Variants in NR1I2 observed in about 807,000 individuals in gnomAD.
NR1I2 encodes nuclear receptor subfamily 1 group I member 2, also known as orphan nuclear receptor PAR1.
NR1I2 carries 42 observed loss-of-function variants against 43.3 expected under a neutral mutation model. That is an observed-to-expected ratio of 0.97 (90% confidence interval 0.76 to 1.26). The LOEUF (loss-of-function observed/expected upper bound fraction) is 1.26, where lower values mean the gene tolerates loss of function less well. Among genes scored for constraint, NR1I2 ranks in the 50% most tolerant of loss-of-function variants. The pLI, the probability that NR1I2 is intolerant of heterozygous loss-of-function variation, is 0.00. For missense variants in NR1I2, 559 were observed against 566.7 expected, an observed-to-expected ratio of 0.99 and a Z score of 0.14; for synonymous variants, 229 against 215.0, an observed-to-expected ratio of 1.06 and a Z score of -0.57.
chr3:119,783,888 T>C (rs1442146254), intron 1 of NR1I2, among the ~76,000 whole-genome samples: 1 of 152,212 alleles, frequency 6.6e-6, no homozygotes, highest in African/African-American at 2.4e-5. Context: ...TTGGAGACTT[T>C]CCATATCTGT....
chr3:119,816,918 TA>T, intron 8 of NR1I2, 149 bp from the exon 9 acceptor site: 1 of 961,340 alleles, frequency 1.0e-6, no homozygotes, highest in Non-Finnish European at 1.6e-6. Context: ...ATCTACAGGG[TA>T]AAAGAGAAGC....
intron 1 of NR1I2, chr3:119,792,494 T>C (rs2054934479): frequency 9.3e-7 from 1 of 1,074,822 alleles, no homozygotes; most frequent in Non-Finnish European, 1.4e-6. Flanking sequence ...GCTCTCTCGC[T>C]CTTGGAACAT....
At chr3:119,809,461 C>A (rs1412810537) in intron 2 of NR1I2, among the ~76,000 whole-genome samples, 1 of 151,524 alleles carries the variant, frequency 6.6e-6, no homozygotes, top group African/African-American at 2.4e-5. Context: ...GTCGCTGCCC[C>A]GTAGGGTATA....
rs764720561 is a variant in NR1I2, at chr3:119,811,709, C to T, written c.502C>T (p.His168Tyr). 1.3e-5 allele frequency: 21 copies of T among 1,611,038 alleles called. No individual in the cohort carries two copies. Among genetic ancestry groups the T allele is most frequent in the Non-Finnish European group, 5.1e-6 (6 of 1,178,500 alleles). The change falls in exon 4 of 9, where the codon CAT (histidine) becomes TAT (tyrosine). Residue 168 changes from histidine (H) to tyrosine (Y), a missense_variant. Transcript: ENST00000393716. ...GAAAACCTTTGACACTACCTTCTCC[C>T]ATTTCAAGAATTTCCGGGTAGGAGG...
chr3:119,811,086 A>G (rs1295705033), intron 3 of NR1I2: 2 of 160,224 alleles, frequency 1.2e-5, no homozygotes, highest in African/African-American at 2.4e-5. Context: ...CTTATGTACC[A>G]GGAACTATAT....
Position 119,809,954 on chromosome 3 carries a change from C to T in NR1I2, c.198-107C>T. On this transcript the variant is annotated intron_variant, in intron 2 of 8. Transcript: ENST00000393716. ...CTGGGACGCAAAGGCTAGTGTCCCC[C>T]TCCCCGAGTCGGTAGGGGCTGGGGA... 4 of 1,451,276 alleles carry T rather than the reference C, an allele frequency of 2.8e-6. No individual in the cohort carries two copies. In the South Asian group the frequency reaches 3.5e-5, roughly 13 times the overall value. The allele number at this position is 1,451,276 out of a possible 1,614,324, so 89.9% of individuals were successfully genotyped here. A position where few individuals can be genotyped will look rare whatever the true frequency, so the allele number is the denominator to read the frequency against.
At chr3:119,803,088 T>C (rs965128308) in intron 1 of NR1I2, among the ~76,000 whole-genome samples, 1 of 151,876 alleles carries the variant, frequency 6.6e-6, no homozygotes, top group Non-Finnish European at 1.5e-5. Context: ...ATCCCAGCAC[T>C]TTGGGAGTCT....
Position 119,817,485 on chromosome 3 carries a change from G to A in NR1I2, c.*273G>A. On this transcript the variant is annotated 3_prime_UTR_variant, in exon 9 of 9. Transcript: ENST00000393716. ...AGGTCAGGACCATCAGAGAGGCAAG[G>A]TTGCCCTTTCCTTTTAAAAGGCCCT... The A allele has an allele frequency of 3.0e-6, 4 of 1,321,060 alleles. No homozygotes were observed. The highest frequency in any genetic ancestry group is 2.9e-6 in the Non-Finnish European group (3 of 1,026,746). 81.8% of individuals were successfully genotyped at this position (1,321,060 alleles called of 1,614,324 possible).
At position 119,812,807 on chromosome 3, in the gene NR1I2, A is replaced by T. The variant is rs758467475; in HGVS notation, c.641A>T (p.Gln214Leu). ...CTGTGCTCTTTGAAGGTCTCTCTGC[A>T]GCTGCGGGGGGAGGATGGCAGTGTC... Residue 214 changes from glutamine to leucine, a missense_variant, in exon 5 of 9, where the codon CAG becomes CTG. This residue lies in a region of NR1I2 where 323 missense variants were observed against 312.2 expected (regional missense o/e 1.03). Coordinates refer to ENST00000393716, the MANE Select transcript of NR1I2 (RefSeq NM_003889.4). The T allele has an allele frequency of 3.0e-5, 48 of 1,614,122 alleles. No homozygotes were observed. The highest frequency in any genetic ancestry group is 3.7e-5 in the Non-Finnish European group (44 of 1,180,058).
intron 1 of NR1I2, among the ~76,000 whole-genome samples, chr3:119,784,492 A>G (rs964208993): frequency 3.9e-5 from 6 of 152,126 alleles, no homozygotes; most frequent in Admixed American, 2.0e-4. Flanking sequence ...CTTTGTTTAA[A>G]TCATACTTTT....
At chr3:119,785,021 A>G (rs1245458488) in intron 1 of NR1I2, among the ~76,000 whole-genome samples, 2 of 152,240 alleles carry the variant, frequency 1.3e-5, no homozygotes, top group Admixed American at 6.5e-5. Context: ...ATCTATATAT[A>G]GTAAGAGTTT....
At chr3:119,791,844 A>C (rs946499945) in intron 1 of NR1I2, 1 of 554,560 alleles carries the variant, frequency 1.8e-6, no homozygotes, top group Admixed American at 2.0e-5. Flanking sequence ...GTTTGAGTCC[A>C]TCGGCAAGTT....
In NR1I2 at chr3:119,817,357, G is replaced by A; in HGVS notation, c.*145G>A. 16 of 1,534,820 alleles carry A rather than the reference G, an allele frequency of 1.0e-5. No individual in the cohort carries two copies. The highest frequency in any genetic ancestry group is 1.4e-5 in the Non-Finnish European group (16 of 1,144,982). On this transcript the variant is annotated 3_prime_UTR_variant, in exon 9 of 9. Coordinates refer to ENST00000393716, the MANE Select transcript of NR1I2 (RefSeq NM_003889.4). The stretch of plus-strand genomic sequence containing the variant: ...TCCCTAGGGAATTCCTGCTATGACA[G>A]CTGGCTAGCATTCCTCAGGAAGGAC...
Position 119,791,941 on chromosome 3 carries a change from G to A in NR1I2, c.-23+9641G>A, listed in dbSNP as rs1011355307. On this transcript the variant is annotated intron_variant, in intron 1 of 8. Transcript: ENST00000393716. ...GGGCACAGAACTGTCATCTTTGACC[G>A]ATTCTGTGGAGTACAGGACATTGTG... 6.9e-5 allele frequency: 46 copies of A among 667,952 alleles called. No individual in the cohort carries two copies. The Middle Eastern group carries it at 7.5e-4, about 11-fold the overall frequency. The allele number at this position is 667,952 out of a possible 1,614,324, so 41.4% of individuals were successfully genotyped here. A position where few individuals can be genotyped will look rare whatever the true frequency, so the allele number is the denominator to read the frequency against.
chr3:119,802,220 G>A (rs554112276), intron 1 of NR1I2, among the ~76,000 whole-genome samples: 37 of 152,344 alleles, frequency 2.4e-4, no homozygotes, highest in African/African-American at 8.9e-4. Context: ...GAATGTGCCA[G>A]AGTCGGCTTG....
chr3:119,796,225 C>A (rs1227472110), intron 1 of NR1I2, among the ~76,000 whole-genome samples: 2 of 152,238 alleles, frequency 1.3e-5, no homozygotes, highest in African/African-American at 2.4e-5. Flanking sequence ...AAGTGTACCG[C>A]ACTTCACGGC....
At chr3:119,812,628 C>A (rs1381368642) in intron 4 of NR1I2, 58 bp from the exon 5 acceptor site, 1 of 1,605,574 alleles carries the variant, frequency 6.2e-7, no homozygotes, top group Non-Finnish European at 8.5e-7. Context: ...TGAGTTGGGA[C>A]CTGTCTATGA....
chr3:119,814,468 A>T (rs1326782193), intron 5 of NR1I2, among the ~76,000 whole-genome samples: 1 of 152,200 alleles, frequency 6.6e-6, no homozygotes, highest in Non-Finnish European at 1.5e-5. Flanking sequence ...GGAAGCAAAC[A>T]TCCCCACTAC....
intron 1 of NR1I2, among the ~76,000 whole-genome samples, chr3:119,790,071 C>T (rs2054896278): frequency 6.6e-6 from 1 of 152,116 alleles, no homozygotes; most frequent in Non-Finnish European, 1.5e-5. Flanking sequence ...AAACTCTACC[C>T]ATTAAACAAC....
Sources: gnomAD v4.1 joint callset for allele counts (sites outside exome capture counted in the v4.1 genomes callset) on GRCh38, gnomAD v4.1.1 for gene constraint, gnomAD v4.1.1 regional missense constraint, MANE v1.5 for transcripts, NCBI Gene and HGNC (gene_info 2026-07-23, HGNC 2026-07-21) for gene names.